The following NKAIN2 variants were observed in gnomAD, a reference collection of about 807,000 sequenced individuals.
The protein encoded by NKAIN2 is sodium/potassium-transporting ATPase subunit beta-1-interacting protein 2.
In NKAIN2, 14 loss-of-function variants were observed where a neutral mutation model predicts 32.6. That is an observed-to-expected ratio of 0.43 (90% CI 0.28 to 0.67). The LOEUF is 0.67. Ranked by LOEUF, NKAIN2 falls within the 30% of genes least tolerant of loss-of-function variation. The pLI is 0.17. For synonymous variants in NKAIN2, 80 were observed against 87.2 expected, an observed-to-expected ratio of 0.92 and a Z score of 0.46; for missense variants, 198 against 258.3, an observed-to-expected ratio of 0.77 and a Z score of 1.60.
chr6:124,787,935 A>T (rs1779576424), intron 4 of NKAIN2, among the ~76,000 whole-genome samples: 1 of 152,016 alleles, frequency 6.6e-6, no homozygotes, highest in Non-Finnish European at 1.5e-5. Context: ...AGCAAATTCC[A>T]TTTTGCCTGT....
chr6:124,108,306 G>A (rs556689323), intron 1 of NKAIN2, among the ~76,000 whole-genome samples: 1 of 152,170 alleles, frequency 6.6e-6, no homozygotes, highest in Admixed American at 6.6e-5. Context: ...CGGTGTTCAT[G>A]TGTATATCGT....
At chr6:124,421,863 G>A (rs534313792) in intron 3 of NKAIN2, among the ~76,000 whole-genome samples, 9 of 152,282 alleles carry the variant, frequency 5.9e-5, no homozygotes, top group Middle Eastern at 3.4e-3. Flanking sequence ...TATGTCCGGC[G>A]TGATTTTAGG....
chr6:124,628,903 T>C (rs1006600084), intron 3 of NKAIN2, among the ~76,000 whole-genome samples: 5 of 152,132 alleles, frequency 3.3e-5, no homozygotes, highest in South Asian at 2.1e-4. Flanking sequence ...AAAAAAGATA[T>C]AGTATGTGTC....
chr6:124,553,094 A>G (rs1341800428), intron 3 of NKAIN2, among the ~76,000 whole-genome samples: 1 of 152,226 alleles, frequency 6.6e-6, no homozygotes, highest in Non-Finnish European at 1.5e-5. Context: ...TGTGCTCAAA[A>G]ATGTTTAATA....
intron 3 of NKAIN2, among the ~76,000 whole-genome samples, chr6:124,434,068 G>GC (rs971896049): frequency 1.3e-5 from 2 of 152,092 alleles, no homozygotes; most frequent in Non-Finnish European, 2.9e-5. Context: ...TAGCCTTCCA[G>GC]CCCCCTATGT....
intron 3 of NKAIN2, among the ~76,000 whole-genome samples, chr6:124,606,729 C>T (rs1325649521): frequency 6.6e-6 from 1 of 152,074 alleles, no homozygotes; most frequent in Non-Finnish European, 1.5e-5. Flanking sequence ...AACAGGATGA[C>T]AGTCTATCTT....
intron 1 of NKAIN2, among the ~76,000 whole-genome samples, chr6:124,198,773 C>T (rs925418101): frequency 9.9e-5 from 15 of 152,008 alleles, no homozygotes; most frequent in African/African-American, 2.9e-4. Context: ...TGGTGGTCCA[C>T]GTTCTTTGGC....
intron 1 of NKAIN2, among the ~76,000 whole-genome samples, chr6:124,271,143 T>C (rs1266126984): frequency 6.6e-6 from 1 of 152,160 alleles, no homozygotes; most frequent in African/African-American, 2.4e-5. Flanking sequence ...ACCTTGCTTC[T>C]CCTTCCCCTT....
intron 2 of NKAIN2, among the ~76,000 whole-genome samples, chr6:124,290,042 G>A (rs1795728514): frequency 1.4e-5 from 2 of 140,556 alleles, no homozygotes; most frequent in East Asian, 2.1e-4. Context: ...AAGCCTGGAA[G>A]GGAGGGAGAA....
At chr6:124,818,878 C>A (rs1781282182) in intron 6 of NKAIN2, among the ~76,000 whole-genome samples, 1 of 152,034 alleles carries the variant, frequency 6.6e-6, no homozygotes, top group Non-Finnish European at 1.5e-5. Context: ...CAAAAGAGTT[C>A]TCATTTAGAT....
intron 1 of NKAIN2, among the ~76,000 whole-genome samples, chr6:124,131,392 A>G (rs1786468742): frequency 6.6e-6 from 1 of 152,162 alleles, no homozygotes; most frequent in South Asian, 2.1e-4. Context: ...ATTAACATGC[A>G]TCTCCCACTT....
chr6:124,756,319 G>A lies in NKAIN2; in HGVS notation c.475-35020G>A, dbSNP rs531603040. ...TTAAAGAAAGTTTCCTTCTGCTTTC[G>A]ACACTGGCCTTTTTAGACACAGGTG... On this transcript the variant is annotated intron_variant, in intron 4 of 6. Coordinates refer to ENST00000368417, the MANE Select transcript of NKAIN2 (RefSeq NM_001040214.3). Among the ~76,000 whole-genome samples, 264 of 152,128 alleles carry A rather than the reference G, an allele frequency of 1.7e-3. 3 individuals carry two copies. Among genetic ancestry groups the A allele is most frequent in the African/African-American group, 5.9e-3 (243 of 41,530 alleles).
At chr6:124,065,488 A>G (rs1238101608) in intron 1 of NKAIN2, among the ~76,000 whole-genome samples, 2 of 152,080 alleles carry the variant, frequency 1.3e-5, no homozygotes, top group Non-Finnish European at 2.9e-5. Flanking sequence ...CATGAATAGG[A>G]TTAGTACCCT....
At chr6:124,253,831 C>CTT (rs774924597) in intron 1 of NKAIN2, among the ~76,000 whole-genome samples, 13 of 134,126 alleles carry the variant, frequency 9.7e-5, no homozygotes, top group African/African-American at 2.7e-4. Context: ...CAATGTTCTA[C>CTT]TTTTTTTTTT....
At chr6:124,205,425 A>T (rs1474795531) in intron 1 of NKAIN2, among the ~76,000 whole-genome samples, 1 of 151,630 alleles carries the variant, frequency 6.6e-6, no homozygotes, top group East Asian at 1.9e-4. Context: ...TCTTATCTTT[A>T]CCTGTCTTCC....
At chr6:124,372,393 T>C (rs573617774) in intron 3 of NKAIN2, among the ~76,000 whole-genome samples, 73 of 152,224 alleles carry the variant, frequency 4.8e-4, no homozygotes, top group African/African-American at 1.8e-3. Flanking sequence ...GTTCCATCTG[T>C]GTTTATTTTT....
At chr6:123,965,576 C>T (rs2114622487) in intron 1 of NKAIN2, among the ~76,000 whole-genome samples, 1 of 152,270 alleles carries the variant, frequency 6.6e-6, no homozygotes, top group African/African-American at 2.4e-5. Context: ...TTCTCCTACT[C>T]ATATCCTGCG....
chr6:124,454,267 C>T (rs536769698), intron 3 of NKAIN2, among the ~76,000 whole-genome samples: 4 of 151,992 alleles, frequency 2.6e-5, no homozygotes, highest in African/African-American at 9.6e-5. Flanking sequence ...TATTTTCATT[C>T]TTTCTGTTTT....
At chr6:124,192,355 A>G (rs116205964) in intron 1 of NKAIN2, among the ~76,000 whole-genome samples, 152 of 152,302 alleles carry the variant, frequency 1.0e-3, no homozygotes, top group African/African-American at 3.6e-3. Context: ...TTTGATTTAT[A>G]GATTATTTAG....
Sources: gnomAD v4.1 joint callset for allele counts (sites outside exome capture counted in the v4.1 genomes callset) on GRCh38, gnomAD v4.1.1 for gene constraint, MANE v1.5 for transcripts, NCBI Gene and HGNC (gene_info 2026-07-23, HGNC 2026-07-21) for gene names.